The following KANK1 variants were observed in gnomAD, a reference collection of about 807,000 sequenced individuals.
The protein encoded by KANK1 is KN motif and ankyrin repeat domains 1, also known as KN motif and ankyrin repeat domain-containing protein 1.
KANK1 carries 109 observed loss-of-function variants against 106.2 expected under a neutral mutation model. The observed-to-expected ratio is 1.03, with a 90% CI of 0.88 to 1.20. The LOEUF is 1.20. KANK1 is among the 50% of genes most tolerant of loss of function. KANK1 has a pLI of 0.00. For synonymous variants in KANK1, 873 were observed against 652.2 expected, an observed-to-expected ratio of 1.34 and a Z score of -5.16; for missense variants, 2,399 against 1,710.7, an observed-to-expected ratio of 1.40 and a Z score of -7.10.
At chr9:529,916 T>C (rs7024942) in intron 1 of KANK1, among the ~76,000 whole-genome samples, 8,031 of 152,276 alleles carry the variant, frequency 0.053, 223 homozygotes, top group African/African-American at 0.073. Context: ...ATGAAAGCAC[T>C]TGTTTCTTTA....
intron 9 of KANK1, among the ~76,000 whole-genome samples, chr9:741,819 G>C (rs1205430115): frequency 6.6e-6 from 1 of 151,364 alleles, no homozygotes; most frequent in Non-Finnish European, 1.5e-5. Flanking sequence ...TGGGGTTTCA[G>C]TGTTGCCCAA....
intron 2 of KANK1, among the ~76,000 whole-genome samples, chr9:690,961 C>T (rs1819773807): frequency 6.6e-6 from 1 of 152,182 alleles, no homozygotes; most frequent in South Asian, 2.1e-4. Flanking sequence ...CTTCATCTTC[C>T]CACATCTTAC....
rs533919576 is a variant in KANK1, at chr9:684,684, G to A, written c.37+7675G>A. On this transcript the variant is annotated intron_variant, in intron 2 of 11. Coordinates refer to ENST00000382297, the MANE Select transcript of KANK1 (RefSeq NM_015158.5). Reference sequence around the variant, plus strand: ...TAGCTCATTTGCTTCCTTTTCCAGGGTTTGCCTTCTTCCTGTGTCTGGGAT... The same window carrying A: ...TAGCTCATTTGCTTCCTTTTCCAGGATTTGCCTTCTTCCTGTGTCTGGGAT... 2.1e-5 allele frequency: 13 copies of A among 626,610 alleles called. No individual in the cohort carries two copies. In the South Asian group the frequency reaches 9.3e-4, roughly 45 times the overall value. 38.8% of individuals were successfully genotyped at this position (626,610 alleles called of 1,614,324 possible).
At chr9:633,876 C>G (rs1377885613) in intron 1 of KANK1, among the ~76,000 whole-genome samples, 2 of 152,152 alleles carry the variant, frequency 1.3e-5, no homozygotes, top group Non-Finnish European at 2.9e-5. Context: ...GGGCCCAACT[C>G]CTAGCTTCAA....
chr9:485,910 T>A (rs1461868557), intron 3 of KANK1, among the ~76,000 whole-genome samples: 1 of 147,944 alleles, frequency 6.8e-6, no homozygotes, highest in African/African-American at 2.5e-5. Context: ...GAGAGAGAGA[T>A]GTAGAGAAGC....
intron 1 of KANK1, among the ~76,000 whole-genome samples, chr9:600,411 T>C (rs746518610): frequency 2.0e-5 from 3 of 151,862 alleles, no homozygotes; most frequent in Non-Finnish European, 2.9e-5. Flanking sequence ...TAGCATCACA[T>C]TGAGTAATTA....
At chr9:633,068 C>T (rs192051473) in intron 1 of KANK1, among the ~76,000 whole-genome samples, 1 of 152,222 alleles carries the variant, frequency 6.6e-6, no homozygotes, top group Admixed American at 6.5e-5. Flanking sequence ...ATGAGGTTTC[C>T]TACCATTTTC....
rs34062799 is a variant in KANK1, at chr9:493,554, C to CTTTT, written c.-362+20296_-362+20299dup. Among the ~76,000 whole-genome samples the CTTTT allele has an allele frequency of 6.9e-5, 8 of 115,974 alleles. No individual in the cohort carries two copies. In the South Asian group the frequency reaches 1.5e-3, roughly 21 times the overall value. 76.1% of individuals were successfully genotyped at this position (115,974 alleles called of 152,430 possible). Reference sequence around the variant, plus strand: ...ATGCTGCTAGTTTTGGGGTAATTTGCTTTTTTTTTTTTTTTTTTGGAGATG... The same window carrying CTTTT: ...ATGCTGCTAGTTTTGGGGTAATTTGCTTTTTTTTTTTTTTTTTTTTTTGGAGATG... On this transcript the variant is annotated intron_variant, in intron 3 of 15. Transcript: ENST00000382303.
At position 676,888 on chromosome 9, in the gene KANK1, A is replaced by C; in HGVS notation, c.-83-2A>C. On this transcript the variant is annotated splice_acceptor_variant, in intron 1 of 11. Transcript: ENST00000382297. LOFTEE classifies it low-confidence loss of function (5UTR_SPLICE). ...TTGATGGGGCTCTCTTTATTGTTTCAGGTTGAATGCCTTTGAGAACTTGAT... is the reference window on the plus strand; with the variant it reads ...TTGATGGGGCTCTCTTTATTGTTTCCGGTTGAATGCCTTTGAGAACTTGAT... The C allele has an allele frequency of 2.9e-6, 3 of 1,019,006 alleles. No homozygotes were observed. Among genetic ancestry groups the C allele is most frequent in the Non-Finnish European group, 4.6e-6 (3 of 653,088 alleles). 63.1% of individuals were successfully genotyped at this position (1,019,006 alleles called of 1,614,324 possible). A position where few individuals can be genotyped will look rare whatever the true frequency, so the allele number is the denominator to read the frequency against.
In KANK1 at chr9:667,367, G is replaced by C. The variant is rs145458550; in HGVS notation, c.-83-9523G>C. On this transcript the variant is annotated intron_variant, in intron 1 of 11. Transcript: ENST00000382297. The stretch of plus-strand genomic sequence containing the variant: ...TCAGTTTTTTTTTAACTAAACTTTT[G>C]TTTTGTTGATCTTCAGTAATGTTTT... 3.6e-3 allele frequency among the ~76,000 whole-genome samples: 552 copies of C among 151,428 alleles called. 11 individuals are homozygous for C. Among genetic ancestry groups the C allele is most frequent in the Admixed American group, 2.4e-3 (37 of 15,218 alleles).
At position 712,840 on chromosome 9, in the gene KANK1, A is replaced by G. The variant is rs1302836963; in HGVS notation, c.2074A>G (p.Ile692Val). 6.2e-6 allele frequency: 10 copies of G among 1,613,910 alleles called. No homozygotes were observed. Among genetic ancestry groups the G allele is most frequent in the Middle Eastern group, 3.3e-4 (2 of 6,062 alleles). Residue 692 changes from isoleucine (I) to valine (V), a missense_variant, in exon 3 of 12, where the codon ATA becomes GTA. Coordinates refer to ENST00000382297, the MANE Select transcript of KANK1 (RefSeq NM_015158.5). ...CACCAACACCGAGACGGCCACCCTC[A>G]TAGAGTCCTGCACCAACACTTGTCT... Reference protein sequence around the residue: ...QFTNTETATLIESCTNTCLST... With the variant: ...QFTNTETATLVESCTNTCLST...
intron 1 of KANK1, among the ~76,000 whole-genome samples, chr9:620,320 T>A (rs1358122669): frequency 6.6e-6 from 1 of 152,158 alleles, no homozygotes; most frequent in African/African-American, 2.4e-5. Flanking sequence ...TTCAACGATC[T>A]GCCCCCTAAA....
At chr9:699,937 G>T (rs962134966) in intron 2 of KANK1, among the ~76,000 whole-genome samples, 2 of 152,092 alleles carry the variant, frequency 1.3e-5, no homozygotes, top group Non-Finnish European at 2.9e-5. Flanking sequence ...AGCTGTGATC[G>T]TGCCGCTACA....
intron 1 of KANK1, among the ~76,000 whole-genome samples, chr9:602,936 G>A (rs763063577): frequency 6.6e-6 from 1 of 151,804 alleles, no homozygotes; most frequent in Non-Finnish European, 1.5e-5. Context: ...TGCAGTCAAG[G>A]CACATTCCAC....
intron 1 of KANK1, among the ~76,000 whole-genome samples, chr9:548,437 C>G (rs1330814598): frequency 6.6e-6 from 1 of 152,132 alleles, no homozygotes; most frequent in Non-Finnish European, 1.5e-5. Context: ...GGCTTTTAAA[C>G]TCTCAGCAGC....
At chr9:539,338 G>A (rs2060465438) in intron 1 of KANK1, among the ~76,000 whole-genome samples, 1 of 152,180 alleles carries the variant, frequency 6.6e-6, no homozygotes, top group Admixed American at 6.5e-5. Flanking sequence ...TCACTTCGGG[G>A]AGTATGAACA....
chr9:529,225 A>G (rs1169879705), intron 1 of KANK1, among the ~76,000 whole-genome samples: 2 of 141,776 alleles, frequency 1.4e-5, no homozygotes, highest in African/African-American at 2.7e-5. Flanking sequence ...CTGTTAATAT[A>G]TATATATATA....
At chr9:706,885 A>T in intron 2 of KANK1, 1 of 985,466 alleles carries the variant, frequency 1.0e-6, no homozygotes, top group Non-Finnish European at 1.2e-6. Context: ...AGTGACTAGT[A>T]TAGGAAAAAC....
At chr9:538,033 C>T (rs1032236148) in intron 1 of KANK1, among the ~76,000 whole-genome samples, 1 of 152,006 alleles carries the variant, frequency 6.6e-6, no homozygotes, top group African/African-American at 2.4e-5. Flanking sequence ...TTAAGCTATT[C>T]ATCCTTTTTT....
Sources: allele counts gnomAD v4.1 joint callset (sites outside exome capture counted in the v4.1 genomes callset), GRCh38; gene constraint gnomAD v4.1.1; transcripts MANE v1.5; gene names NCBI Gene and HGNC (gene_info 2026-07-23, HGNC 2026-07-21).